Variants in FAR2 observed in about 807,000 individuals in gnomAD.
The protein encoded by FAR2 is epididymis secretory protein Li 81.
In FAR2, 19 loss-of-function variants were observed where a neutral mutation model predicts 56.0. The ratio of observed to expected loss-of-function variants is 0.34; its 90% CI spans 0.24 to 0.50. The LOEUF (loss-of-function observed/expected upper bound fraction) is 0.50. FAR2 is among the 20% of genes least tolerant of loss of function. The pLI, the probability that FAR2 is intolerant of heterozygous loss-of-function variation, is 0.98. For missense variants in FAR2, 508 were observed against 642.2 expected (o/e 0.79, Z 2.26); for synonymous variants, 219 against 218.8 (o/e 1.00, Z -0.01).
chr12:29,281,039 G>A (rs1948776548), intron 2 of FAR2: 1 of 152,050 alleles, frequency 6.6e-6, no homozygotes, highest in African/African-American at 2.4e-5. Context: ...CCTACCCCAG[G>A]GTCTCATACC....
At chr12:29,167,832 G>C (rs1349532731) in intron 1 of FAR2, among the ~76,000 whole-genome samples, 1 of 152,128 alleles carries the variant, frequency 6.6e-6, no homozygotes, top group Non-Finnish European at 1.5e-5. Context: ...ATATATGACG[G>C]TAAATTGCAG....
At chr12:29,164,664 CT>C (rs1949810385) in intron 1 of FAR2, among the ~76,000 whole-genome samples, 1 of 152,164 alleles carries the variant, frequency 6.6e-6, no homozygotes, top group Non-Finnish European at 1.5e-5. Flanking sequence ...GGAGCTCCAG[CT>C]CTGAGCCATG....
intron 10 of FAR2, 117 bp from the exon 11 acceptor site, chr12:29,332,483 T>C (rs1399204694): frequency 6.9e-7 from 1 of 1,441,246 alleles, no homozygotes; most frequent in Non-Finnish European, 9.4e-7. Flanking sequence ...TTGGAGAGGG[T>C]CCAACCTATG....
chr12:29,259,737 A>C (rs1229537712), intron 1 of FAR2, among the ~76,000 whole-genome samples: 1 of 152,188 alleles, frequency 6.6e-6, no homozygotes, highest in Non-Finnish European at 1.5e-5. Context: ...TTCATTGCTA[A>C]CCCCCATGCC....
intron 2 of FAR2, among the ~76,000 whole-genome samples, chr12:29,287,905 C>T (rs563262961): frequency 1.3e-5 from 2 of 152,258 alleles, no homozygotes; most frequent in East Asian, 3.9e-4. Flanking sequence ...AATGCCCCCA[C>T]CCCAATTCCT....
At chr12:29,318,177 T>C (rs1377361204) in intron 9 of FAR2, among the ~76,000 whole-genome samples, 1 of 152,242 alleles carries the variant, frequency 6.6e-6, no homozygotes, top group Admixed American at 6.5e-5. Flanking sequence ...TTTGTCATCT[T>C]TATTAGCAGT....
In FAR2 at chr12:29,313,227, CG is replaced by C. The variant is rs1238082537; in HGVS notation, c.955+1279del. On this transcript the variant is annotated intron_variant, in intron 8 of 11. Coordinates refer to ENST00000536681, the MANE Select transcript of FAR2 (RefSeq NM_001271783.2). Reference sequence around the variant, plus strand: ...TACAAGGAGTGACAGACAGCTGGGTCGGTGAACATGGGATATCAGAATCTCT... The same window carrying C: ...TACAAGGAGTGACAGACAGCTGGGTCGTGAACATGGGATATCAGAATCTCT... Among the ~76,000 whole-genome samples the C allele has an allele frequency of 2.0e-5, 3 of 152,168 alleles. No individual in the cohort carries two copies. The East Asian group carries it at 5.8e-4, about 29-fold the overall frequency.
intron 1 of FAR2, among the ~76,000 whole-genome samples, chr12:29,175,796 G>A (rs971953407): frequency 3.3e-5 from 5 of 152,026 alleles, no homozygotes; most frequent in Admixed American, 3.3e-4. Context: ...TTTTTACAGA[G>A]TGTTGATTGG....
chr12:29,260,596 CCTT>C (rs1293309369), intron 1 of FAR2, among the ~76,000 whole-genome samples: 1 of 152,086 alleles, frequency 6.6e-6, no homozygotes, highest in Non-Finnish European at 1.5e-5. Flanking sequence ...GGGACAGACT[CCTT>C]CTGCTTGAGG....
At chr12:29,308,539 C>T (rs1057299762) in intron 5 of FAR2, among the ~76,000 whole-genome samples, 3 of 150,838 alleles carry the variant, frequency 2.0e-5, no homozygotes, top group African/African-American at 7.4e-5. Context: ...ACACATTTGA[C>T]TTTTATACTG....
intron 2 of FAR2, among the ~76,000 whole-genome samples, chr12:29,275,841 C>G (rs1381765210): frequency 6.6e-6 from 1 of 152,154 alleles, no homozygotes; most frequent in African/African-American, 2.4e-5. Context: ...TTCTGGAAAT[C>G]GTGATTATAC....
chr12:29,234,298 G>A (rs995230452), intron 1 of FAR2, among the ~76,000 whole-genome samples: 3 of 152,036 alleles, frequency 2.0e-5, no homozygotes, highest in South Asian at 2.1e-4. Context: ...CAGCAGACCC[G>A]ATAGTTCTCT....
At position 29,311,262 on chromosome 12, in the gene FAR2, G is replaced by A. The variant is rs973697981; in HGVS notation, c.887+116G>A. 175 of 692,678 alleles carry A rather than the reference G, an allele frequency of 2.5e-4. 1 individual carries two copies. The East Asian group carries it at 3.7e-3, about 14-fold the overall frequency. The allele number at this position is 692,678 out of a possible 1,614,324, so 42.9% of individuals were successfully genotyped here. On this transcript the variant is annotated intron_variant, in intron 7 of 11. Transcript: ENST00000536681. ...CAAGACCCCAAATGTGTGAAAGTGC[G>A]TATTTCAATATTTTATAGAGTTCCT...
In FAR2 at chr12:29,205,826, T is replaced by G. The variant is rs1348373921; in HGVS notation, c.-39+56419T>G. On this transcript the variant is annotated intron_variant, in intron 1 of 11. Coordinates refer to ENST00000536681, the MANE Select transcript of FAR2 (RefSeq NM_001271783.2). ...TTTAATATTAAAGAGGTCCGGAACTTATTCTTGTTTTTGCTTTTTTTTTTT... is the reference window on the plus strand; with the variant it reads ...TTTAATATTAAAGAGGTCCGGAACTGATTCTTGTTTTTGCTTTTTTTTTTT... Among the ~76,000 whole-genome samples, 5 of 118,164 alleles carry G rather than the reference T, an allele frequency of 4.2e-5. No homozygotes were observed. The East Asian group carries it at 1.2e-3, about 29-fold the overall frequency. The allele number at this position is 118,164 out of a possible 152,430, so 77.5% of individuals were successfully genotyped here.
At chr12:29,273,092 A>AACCCC (rs1345507071) in intron 2 of FAR2, among the ~76,000 whole-genome samples, 2 of 152,160 alleles carry the variant, frequency 1.3e-5, no homozygotes, top group African/African-American at 2.4e-5. Flanking sequence ...AGTGTCTGAC[A>AACCCC]ACCCCTGTAG....
chr12:29,319,284 C>T (rs1225436071), intron 9 of FAR2, among the ~76,000 whole-genome samples: 3 of 152,166 alleles, frequency 2.0e-5, no homozygotes, highest in Non-Finnish European at 4.4e-5. Context: ...AGCCACCGCG[C>T]CCGGCCAAGG....
At chr12:29,168,421 A>G (rs1046693947) in intron 1 of FAR2, among the ~76,000 whole-genome samples, 4 of 152,244 alleles carry the variant, frequency 2.6e-5, no homozygotes, top group Non-Finnish European at 5.9e-5. Context: ...CATTTGGTGC[A>G]TGTTCAGATG....
intron 1 of FAR2, among the ~76,000 whole-genome samples, chr12:29,177,723 C>T (rs1949951611): frequency 6.6e-6 from 1 of 152,128 alleles, no homozygotes. Flanking sequence ...GGCATTTACT[C>T]TGGGCTCTAG....
At chr12:29,191,888 ACTT>A (rs1565687282) in intron 1 of FAR2, among the ~76,000 whole-genome samples, 2 of 152,346 alleles carry the variant, frequency 1.3e-5, no homozygotes, top group East Asian at 3.9e-4. Flanking sequence ...ATCAGAGCTC[ACTT>A]CTTCAAAATT....
Sources: allele counts gnomAD v4.1 joint callset (sites outside exome capture counted in the v4.1 genomes callset), GRCh38; gene constraint gnomAD v4.1.1; transcripts MANE v1.5; gene names NCBI Gene and HGNC (gene_info 2026-07-23, HGNC 2026-07-21).